GPC5: variants seen among roughly 807,000 people sequenced by gnomAD.
GPC5 encodes the protein glypican-5.
In GPC5, 47 loss-of-function variants were observed where a neutral mutation model predicts 53.9. The ratio of observed to expected loss-of-function variants is 0.87; its 90% CI spans 0.69 to 1.11. GPC5 has a LOEUF of 1.11. GPC5 is among the 50% of genes most tolerant of loss of function. GPC5 has a pLI of 0.00. For synonymous variants in GPC5, 286 were observed against 263.3 expected (o/e 1.09, Z -0.84); for missense variants, 748 against 713.1 (o/e 1.05, Z -0.56).
chr13:92,514,948 C>T (rs772696666), intron 7 of GPC5, among the ~76,000 whole-genome samples: 2 of 152,102 alleles, frequency 1.3e-5, no homozygotes, highest in Non-Finnish European at 2.9e-5. Context: ...CCTCACTCAT[C>T]GTGACTGGCA....
chr13:91,789,212 CA>C (rs2037925542), intron 5 of GPC5, among the ~76,000 whole-genome samples: 1 of 129,868 alleles, frequency 7.7e-6, no homozygotes, highest in Non-Finnish European at 1.6e-5. Context: ...AAGTCCATCT[CA>C]AAAAAGAAAA....
At chr13:92,610,169 GTAAAA>G (rs1232202874) in intron 7 of GPC5, among the ~76,000 whole-genome samples, 1 of 151,812 alleles carries the variant, frequency 6.6e-6, no homozygotes, top group East Asian at 1.9e-4. Context: ...TAAATACCAG[GTAAAA>G]TAAACACTTT....
chr13:91,918,160 A>G (rs2039677874), intron 6 of GPC5, among the ~76,000 whole-genome samples: 1 of 152,184 alleles, frequency 6.6e-6, no homozygotes, highest in Non-Finnish European at 1.5e-5. Flanking sequence ...GAGTGTAAAC[A>G]GGGGAAATGT....
At chr13:91,797,630 G>A (rs927451406) in intron 5 of GPC5, among the ~76,000 whole-genome samples, 18 of 152,138 alleles carry the variant, frequency 1.2e-4, no homozygotes, top group African/African-American at 3.6e-4. Flanking sequence ...CTTGAAAGAC[G>A]AAATTAAGAG....
intron 6 of GPC5, among the ~76,000 whole-genome samples, chr13:92,142,421 A>G (rs749525637): frequency 4.9e-4 from 74 of 152,206 alleles, no homozygotes; most frequent in Non-Finnish European, 1.5e-4. Flanking sequence ...TAGTTAAAAT[A>G]TAGTTTTGTG....
intron 6 of GPC5, among the ~76,000 whole-genome samples, chr13:91,950,953 T>A (rs2040020812): frequency 6.6e-6 from 1 of 152,122 alleles, no homozygotes; most frequent in Non-Finnish European, 1.5e-5. Context: ...CCACCACACC[T>A]AATACTATTT....
intron 2 of GPC5, among the ~76,000 whole-genome samples, chr13:91,612,772 A>G (rs2033593011): frequency 1.3e-5 from 2 of 152,290 alleles, no homozygotes; most frequent in East Asian, 1.9e-4. Context: ...TTTCTTTGTT[A>G]GTATTTTAAA....
At chr13:91,691,829 T>C (rs2035763730) in intron 2 of GPC5, among the ~76,000 whole-genome samples, 1 of 152,120 alleles carries the variant, frequency 6.6e-6, no homozygotes, top group South Asian at 2.1e-4. Flanking sequence ...TTTTGTAATA[T>C]ACTCAAACAG....
At chr13:92,683,826 C>T (rs1175626756) in intron 7 of GPC5, among the ~76,000 whole-genome samples, 1 of 152,102 alleles carries the variant, frequency 6.6e-6, no homozygotes, top group Non-Finnish European at 1.5e-5. Flanking sequence ...ACTCCACCCC[C>T]ATTTCTCCTA....
At chr13:92,168,317 C>T (rs545150551) in intron 7 of GPC5, among the ~76,000 whole-genome samples, 29 of 152,224 alleles carry the variant, frequency 1.9e-4, no homozygotes, top group Non-Finnish European at 4.0e-4. Context: ...GCAATTGCAA[C>T]AAAAGCAAAA....
At chr13:91,513,768 A>G (rs1465141096) in intron 2 of GPC5, among the ~76,000 whole-genome samples, 2 of 151,836 alleles carry the variant, frequency 1.3e-5, no homozygotes, top group Non-Finnish European at 2.9e-5. Context: ...ATAATAGAGA[A>G]CACCCCTACA....
chr13:92,174,810 C>T (rs889029469), intron 7 of GPC5, among the ~76,000 whole-genome samples: 2 of 152,156 alleles, frequency 1.3e-5, no homozygotes, highest in Non-Finnish European at 2.9e-5. Context: ...GTGCAGAGTA[C>T]CATTAAAATA....
intron 7 of GPC5, among the ~76,000 whole-genome samples, chr13:92,418,856 G>A (rs1876434596): frequency 6.6e-6 from 1 of 152,154 alleles, no homozygotes; most frequent in Non-Finnish European, 1.5e-5. Flanking sequence ...ATAGGTGTGG[G>A]AAAGCACTTT....
In GPC5 at chr13:92,772,291, G is replaced by A. The variant is rs117837054; in HGVS notation, c.1562-93991G>A. Among the ~76,000 whole-genome samples the A allele has an allele frequency of 5.6e-3, 852 of 152,088 alleles. 5 individuals are homozygous for A. The highest frequency in any genetic ancestry group is 8.1e-3 in the Non-Finnish European group (548 of 67,990). On this transcript the variant is annotated intron_variant, in intron 7 of 7. Coordinates refer to ENST00000377067, the MANE Select transcript of GPC5 (RefSeq NM_004466.6). ...AATCCTCTACTCAGAAATTTCCAACGTCATCTCACTTTATACACAGGGATA... is the reference window on the plus strand; with the variant it reads ...AATCCTCTACTCAGAAATTTCCAACATCATCTCACTTTATACACAGGGATA...
At chr13:91,547,762 A>G (rs572437269) in intron 2 of GPC5, among the ~76,000 whole-genome samples, 1 of 152,272 alleles carries the variant, frequency 6.6e-6, no homozygotes, top group South Asian at 2.1e-4. Flanking sequence ...AACAATATAT[A>G]AAAAGATATA....
intron 7 of GPC5, among the ~76,000 whole-genome samples, chr13:92,362,503 A>G (rs2043576310): frequency 6.6e-6 from 1 of 151,842 alleles, no homozygotes; most frequent in Non-Finnish European, 1.5e-5. Context: ...ATTTTGTTCT[A>G]TGACGAAAGA....
intron 7 of GPC5, among the ~76,000 whole-genome samples, chr13:92,255,212 A>G (rs181652518): frequency 4.6e-5 from 7 of 152,276 alleles, no homozygotes; most frequent in Admixed American, 2.6e-4. Flanking sequence ...ACTGTATTAC[A>G]CTATACTAGG....
At chr13:91,940,733 C>T (rs949795298) in intron 6 of GPC5, among the ~76,000 whole-genome samples, 2 of 152,004 alleles carry the variant, frequency 1.3e-5, no homozygotes, top group African/African-American at 2.4e-5. Flanking sequence ...ATTTGCATTT[C>T]TCTGATAATT....
intron 2 of GPC5, among the ~76,000 whole-genome samples, chr13:91,689,019 T>C (rs1003276262): frequency 1.3e-5 from 2 of 150,338 alleles, no homozygotes; most frequent in African/African-American, 4.9e-5. Context: ...AAAGTAAAAA[T>C]TAGCCTGGCA....
Sources: allele counts gnomAD v4.1 joint callset (sites outside exome capture counted in the v4.1 genomes callset), GRCh38; gene constraint gnomAD v4.1.1; transcripts MANE v1.5; gene names NCBI Gene and HGNC (gene_info 2026-07-23, HGNC 2026-07-21).